The following ROBO2 variants were observed in gnomAD, a reference collection of about 807,000 sequenced individuals.
ROBO2 encodes roundabout homolog 2.
In ROBO2, 53 loss-of-function variants were observed where a neutral mutation model predicts 160.8. That is an observed-to-expected ratio of 0.33 (90% confidence interval 0.26 to 0.41). The LOEUF is 0.41. ROBO2 is among the 10% of genes least tolerant of loss of function. The probability of loss-of-function intolerance (pLI) is 1.00; values close to 1 mark genes in which losing one functional copy is unlikely to be tolerated. For synonymous variants in ROBO2, 664 were observed against 611.7 expected (o/e 1.09, Z -1.26); for missense variants, 1,577 against 1,722.4 (o/e 0.92, Z 1.49).
At chr3:76,101,961 A>G (rs979591217) in intron 2 of ROBO2, among the ~76,000 whole-genome samples, 2 of 145,664 alleles carry the variant, frequency 1.4e-5, no homozygotes, top group Non-Finnish European at 1.5e-5. Context: ...AAGTGTTCCC[A>G]TTATACCCCG....
chr3:77,547,149 A>G (rs1211691337), intron 7 of ROBO2, among the ~76,000 whole-genome samples: 1 of 152,026 alleles, frequency 6.6e-6, no homozygotes, highest in East Asian at 1.9e-4. Flanking sequence ...AACTGGATAC[A>G]CTAGTTTTCT....
rs544613613 is a variant in ROBO2, at chr3:77,335,805, C to T, written c.389-141609C>T. Among the ~76,000 whole-genome samples, 8 of 152,238 alleles carry T rather than the reference C, an allele frequency of 5.3e-5. No individual in the cohort carries two copies. The South Asian group carries it at 6.2e-4, about 12-fold the overall frequency. Reference sequence around the variant, plus strand: ...CCTAACTGTATGTTAGATAAGGCAACTTTGATTTTAAAGAGCTGACACTAC... The same window carrying T: ...CCTAACTGTATGTTAGATAAGGCAATTTTGATTTTAAAGAGCTGACACTAC... On this transcript the variant is annotated intron_variant, in intron 2 of 25. Coordinates refer to ENST00000461745, the Ensembl canonical transcript of ROBO2.
chr3:76,554,512 C>A (rs140561039), intron 2 of ROBO2, among the ~76,000 whole-genome samples: 6 of 152,134 alleles, frequency 3.9e-5, no homozygotes, highest in Non-Finnish European at 8.8e-5. Flanking sequence ...TGATGTCTTA[C>A]CACTCCCTGC....
At chr3:76,699,292 A>C (rs1005465576) in intron 2 of ROBO2, among the ~76,000 whole-genome samples, 2 of 152,176 alleles carry the variant, frequency 1.3e-5, no homozygotes. Context: ...CAAAATTTGC[A>C]TGAGAGGCTT....
rs918944625 is a variant in ROBO2, at chr3:76,285,211, G to T, written c.109+347609G>T. Among the ~76,000 whole-genome samples, 5 of 152,080 alleles carry T rather than the reference G, an allele frequency of 3.3e-5. No homozygotes were observed. In the South Asian group the frequency reaches 8.3e-4, roughly 25 times the overall value. On this transcript the variant is annotated intron_variant, in intron 2 of 26. Coordinates refer to the ROBO2 transcript ENST00000487694. ...TCATTTACTGGATAAATGCTAGACA[G>T]ATGTAATATGTCAGAAGGTTTTCTA...
chr3:76,041,858 C>T (rs1033122443), intron 2 of ROBO2, among the ~76,000 whole-genome samples: 7 of 151,740 alleles, frequency 4.6e-5, no homozygotes, highest in African/African-American at 1.5e-4. Context: ...ATGGCGCAAA[C>T]GCATTGCCAT....
chr3:76,272,350 G>T (rs886982279), intron 2 of ROBO2, among the ~76,000 whole-genome samples: 2 of 151,882 alleles, frequency 1.3e-5, no homozygotes, highest in African/African-American at 2.4e-5. Flanking sequence ...AACCACCAGA[G>T]GTTATTAAAA....
exon 26 of ROBO2, chr3:77,648,754 A>T (rs555088582): frequency 6.6e-6 from 1 of 152,324 alleles, no homozygotes; most frequent in Admixed American, 6.5e-5. Flanking sequence ...ATGTCAACAG[A>T]AAAATACAAA....
intron 2 of ROBO2, among the ~76,000 whole-genome samples, chr3:76,119,887 CT>C (rs1174547001): frequency 1.5e-5 from 2 of 135,376 alleles, no homozygotes; most frequent in Admixed American, 7.6e-5. Context: ...CCTTCCTTCC[CT>C]TCCCTTCCTT....
At chr3:76,419,561 T>C (rs2075903496) in intron 2 of ROBO2, among the ~76,000 whole-genome samples, 1 of 152,156 alleles carries the variant, frequency 6.6e-6, no homozygotes, top group African/African-American at 2.4e-5. Context: ...TACCTGTATA[T>C]CTTTCTTTTT....
chr3:76,514,462 A>G (rs112804919), intron 2 of ROBO2, among the ~76,000 whole-genome samples: 1,624 of 152,306 alleles, frequency 0.011, 24 homozygotes, highest in African/African-American at 0.037. Flanking sequence ...ACTGTGGTTC[A>G]TTAATGTTTC....
intron 20 of ROBO2, among the ~76,000 whole-genome samples, chr3:77,607,558 C>T (rs1010906163): frequency 3.3e-5 from 5 of 152,074 alleles, no homozygotes; most frequent in Admixed American, 2.6e-4. Context: ...GCTTTTGATA[C>T]AGCAGCCATG....
At chr3:76,886,721 A>G (rs773383845) in intron 2 of ROBO2, among the ~76,000 whole-genome samples, 7 of 152,024 alleles carry the variant, frequency 4.6e-5, no homozygotes, top group Non-Finnish European at 1.0e-4. Flanking sequence ...GCACAGTTGC[A>G]TTCACGAAAC....
At chr3:76,891,148 A>G (rs1405031704) in intron 2 of ROBO2, among the ~76,000 whole-genome samples, 1 of 152,008 alleles carries the variant, frequency 6.6e-6, no homozygotes, top group Non-Finnish European at 1.5e-5. Flanking sequence ...CTATCTTTAC[A>G]TTTCTCATGA....
intron 2 of ROBO2, among the ~76,000 whole-genome samples, chr3:76,322,589 G>A (rs1455079849): frequency 1.3e-5 from 2 of 152,064 alleles, no homozygotes; most frequent in Admixed American, 6.6e-5. Flanking sequence ...TAAATAATTT[G>A]AAAGTGATAG....
intron 6 of ROBO2, among the ~76,000 whole-genome samples, chr3:77,524,788 G>GTT (rs142508602): frequency 3.4e-5 from 5 of 148,504 alleles, no homozygotes; most frequent in Non-Finnish European, 6.0e-5. Context: ...GTTTTCAATA[G>GTT]TTTTTTTTTT....
At chr3:76,426,720 G>T (rs1487365386) in intron 2 of ROBO2, among the ~76,000 whole-genome samples, 1 of 151,818 alleles carries the variant, frequency 6.6e-6, no homozygotes, top group Non-Finnish European at 1.5e-5. Context: ...GTGCTTGTAG[G>T]TAGAAGGATA....
intron 2 of ROBO2, among the ~76,000 whole-genome samples, chr3:77,451,805 G>A (rs1039201063): frequency 6.6e-5 from 10 of 150,784 alleles, no homozygotes; most frequent in African/African-American, 2.0e-4. Context: ...TTAAGTTCTC[G>A]GGTACATGTG....
chr3:75,964,837 A>G (rs1949046889), intron 2 of ROBO2: 1 of 151,722 alleles, frequency 6.6e-6, no homozygotes, highest in Non-Finnish European at 1.5e-5. Flanking sequence ...ACATGATCTC[A>G]AAGTTTATAT....
Sources: gnomAD v4.1 joint callset for allele counts (sites outside exome capture counted in the v4.1 genomes callset) on GRCh38, gnomAD v4.1.1 for gene constraint, MANE v1.5 for transcripts, NCBI Gene and HGNC (gene_info 2026-07-23, HGNC 2026-07-21) for gene names.